The following MSRA variants were observed in gnomAD, a reference collection of about 807,000 sequenced individuals.
MSRA encodes mitochondrial peptide methionine sulfoxide reductase.
In MSRA, 54 loss-of-function variants were observed where a neutral mutation model predicts 31.3. The observed-to-expected ratio is 1.73, with a 90% CI of 1.39 to 2.17. The LOEUF (loss-of-function observed/expected upper bound fraction) is 2.17. Ranked by LOEUF, MSRA falls within the 30% of genes most tolerant of loss-of-function variation. The pLI, the probability that MSRA is intolerant of heterozygous loss-of-function variation, is 0.00. For synonymous variants in MSRA, 169 were observed against 116.5 expected (o/e 1.45, Z -2.90); for missense variants, 507 against 300.9 (o/e 1.69, Z -5.07).
chr8:10,417,708 T>C (rs766646830), intron 5 of MSRA, among the ~76,000 whole-genome samples: 2 of 146,450 alleles, frequency 1.4e-5, no homozygotes, highest in Non-Finnish European at 3.0e-5. Flanking sequence ...CCCTATGGAC[T>C]AAAATAGCTG....
At chr8:10,279,397 C>A (rs918304033) in intron 3 of MSRA, among the ~76,000 whole-genome samples, 2 of 152,108 alleles carry the variant, frequency 1.3e-5, no homozygotes, top group African/African-American at 4.8e-5. Flanking sequence ...AAAGCTAATT[C>A]CCTTTGACAA....
At chr8:10,142,242 G>A (rs950289398) in intron 1 of MSRA, among the ~76,000 whole-genome samples, 1 of 152,032 alleles carries the variant, frequency 6.6e-6, no homozygotes, top group African/African-American at 2.4e-5. Flanking sequence ...ACAGGCATGA[G>A]CCACCGTGCC....
chr8:10,196,374 T>C (rs1466524405), intron 1 of MSRA, among the ~76,000 whole-genome samples: 1 of 152,118 alleles, frequency 6.6e-6, no homozygotes. Flanking sequence ...GTGGGCCTTA[T>C]GCCTTAATTA....
intron 1 of MSRA, among the ~76,000 whole-genome samples, chr8:10,162,861 C>T (rs892004469): frequency 1.3e-5 from 2 of 152,144 alleles, no homozygotes; most frequent in African/African-American, 4.8e-5. Flanking sequence ...TGGAGCCCTC[C>T]CCGCCTCAGC....
intron 3 of MSRA, among the ~76,000 whole-genome samples, chr8:10,264,367 A>T (rs1370574072): frequency 6.6e-6 from 1 of 152,246 alleles, no homozygotes; most frequent in Admixed American, 6.5e-5. Flanking sequence ...ACTATTATAA[A>T]TTATATGCAC....
chr8:10,113,292 CTTTTTT>C (rs10665004), intron 1 of MSRA, among the ~76,000 whole-genome samples: 7 of 57,608 alleles, frequency 1.2e-4, no homozygotes, highest in South Asian at 2.0e-3. Context: ...GACAGGTCTT[CTTTTTT>C]TTTTTTTTTT....
At chr8:10,409,049 C>T (rs1432282051) in intron 5 of MSRA, among the ~76,000 whole-genome samples, 1 of 152,184 alleles carries the variant, frequency 6.6e-6, no homozygotes, top group Non-Finnish European at 1.5e-5. Context: ...GTGTCTTTTT[C>T]ATGTAATGAT....
At chr8:10,292,581 G>A (rs1800300861) in intron 3 of MSRA, among the ~76,000 whole-genome samples, 1 of 152,244 alleles carries the variant, frequency 6.6e-6, no homozygotes, top group African/African-American at 2.4e-5. Context: ...CAGGGGAGGT[G>A]ACTCAGTGGA....
chr8:10,343,700 T>C (rs1803588702), intron 5 of MSRA, among the ~76,000 whole-genome samples: 1 of 152,118 alleles, frequency 6.6e-6, no homozygotes, highest in Admixed American at 6.5e-5. Context: ...CACACACAAG[T>C]CAATAGATTT....
At chr8:10,330,923 A>G (rs1390019558) in intron 5 of MSRA, among the ~76,000 whole-genome samples, 1 of 152,176 alleles carries the variant, frequency 6.6e-6, no homozygotes, top group Non-Finnish European at 1.5e-5. Flanking sequence ...GTGTTTGGAC[A>G]TGGGGCCTTT....
At chr8:10,315,221 C>G (rs1055219010) in intron 4 of MSRA, among the ~76,000 whole-genome samples, 1 of 152,214 alleles carries the variant, frequency 6.6e-6, no homozygotes, top group Admixed American at 6.5e-5. Flanking sequence ...GGAGCTACAG[C>G]TCAAGATGAG....
intron 2 of MSRA, among the ~76,000 whole-genome samples, chr8:10,224,806 G>A (rs899850883): frequency 4.6e-5 from 7 of 152,162 alleles, no homozygotes; most frequent in Admixed American, 4.6e-4. Flanking sequence ...TGACATGTAA[G>A]GTTCTGCAGA....
In MSRA at chr8:10,330,128, C is replaced by G. The variant is rs376942065; in HGVS notation, c.543+10139C>G. Among the ~76,000 whole-genome samples the G allele has an allele frequency of 2.3e-4, 34 of 148,262 alleles. 1 individual carries two copies. In the East Asian group the frequency reaches 4.8e-3, roughly 21 times the overall value. ...CTCTTTGAGCCCTGACTTAATTTCT[C>G]TGATACCAATTTTTAAATGATCTAA... is the stretch of plus-strand genomic sequence containing the variant. On this transcript the variant is annotated intron_variant, in intron 5 of 5. Coordinates refer to ENST00000317173, the MANE Select transcript of MSRA (RefSeq NM_012331.5).
chr8:10,165,644 A>T (rs1805060393), intron 1 of MSRA, among the ~76,000 whole-genome samples: 1 of 152,128 alleles, frequency 6.6e-6, no homozygotes, highest in Non-Finnish European at 1.5e-5. Flanking sequence ...ATCTCTGTAG[A>T]CCGAGTCTAC....
At position 10,246,660 on chromosome 8, in the gene MSRA, A is replaced by G. The variant is rs543515186; in HGVS notation, c.331+1437A>G. Among the ~76,000 whole-genome samples, 16 of 152,362 alleles carry G rather than the reference A, an allele frequency of 1.1e-4. No individual in the cohort carries two copies. The East Asian group carries it at 2.9e-3, about 28-fold the overall frequency. On this transcript the variant is annotated intron_variant, in intron 3 of 5. Transcript: ENST00000317173. ...TAGTGAGCATGTTGATGTGTTTGCT[A>G]CAATATGAATTCTATTTTGAAATAA...
At chr8:10,154,353 C>T (rs969417613) in intron 1 of MSRA, among the ~76,000 whole-genome samples, 1 of 151,806 alleles carries the variant, frequency 6.6e-6, no homozygotes, top group Non-Finnish European at 1.5e-5. Flanking sequence ...GGCTGAAGGA[C>T]ACATTTGTGG....
chr8:10,162,840 G>A (rs1331644971), intron 1 of MSRA, among the ~76,000 whole-genome samples: 1 of 152,148 alleles, frequency 6.6e-6, no homozygotes, highest in Non-Finnish European at 1.5e-5. Context: ...GTCATAGGTG[G>A]GAGAACTCAT....
At chr8:10,426,768 A>G (rs528835295) in intron 5 of MSRA, among the ~76,000 whole-genome samples, 2 of 152,360 alleles carry the variant, frequency 1.3e-5, no homozygotes, top group African/African-American at 4.8e-5. Flanking sequence ...TGAGGCTAAA[A>G]TTAACATGTG....
At chr8:10,177,164 G>A (rs1806122854) in intron 1 of MSRA, among the ~76,000 whole-genome samples, 1 of 152,200 alleles carries the variant, frequency 6.6e-6, no homozygotes, top group South Asian at 2.1e-4. Context: ...TGTTGAAAAA[G>A]TTGGTACTGG....
Sources: allele counts gnomAD v4.1 joint callset (sites outside exome capture counted in the v4.1 genomes callset), GRCh38; gene constraint gnomAD v4.1.1; transcripts MANE v1.5; gene names NCBI Gene and HGNC (gene_info 2026-07-23, HGNC 2026-07-21).